The following PPP2CB variants were observed in gnomAD, a reference collection of about 807,000 sequenced individuals.
PPP2CB encodes serine/threonine-protein phosphatase 2A catalytic subunit beta isoform.
PPP2CB carries 18 observed loss-of-function variants against 39.1 expected under a neutral mutation model. The observed-to-expected ratio is 0.46, with a 90% CI of 0.32 to 0.68. The LOEUF (loss-of-function observed/expected upper bound fraction) is 0.68. PPP2CB is among the 30% of genes least tolerant of loss of function. The pLI is 0.04. For synonymous variants in PPP2CB, 129 were observed against 133.8 expected, an observed-to-expected ratio of 0.96 and a Z score of 0.25; for missense variants, 226 against 396.9, an observed-to-expected ratio of 0.57 and a Z score of 3.66.
At chr8:30,797,197 G>T (rs1389352833) in intron 3 of PPP2CB, among the ~76,000 whole-genome samples, 1 of 152,170 alleles carries the variant, frequency 6.6e-6, no homozygotes, top group Non-Finnish European at 1.5e-5. Context: ...CATGAAAATA[G>T]AAATGAAAAG....
At chr8:30,787,679 A>G (rs889323562) in intron 6 of PPP2CB, among the ~76,000 whole-genome samples, 4 of 152,214 alleles carry the variant, frequency 2.6e-5, no homozygotes, top group African/African-American at 7.2e-5. Flanking sequence ...AATGAAGCCA[A>G]TTGGGCTTGG....
In PPP2CB at chr8:30,812,210, G is replaced by A. The variant is rs1806846297; in HGVS notation, c.102+110C>T. The A allele has an allele frequency of 8.4e-6, 6 of 713,410 alleles. No homozygotes were observed. The South Asian group carries it at 2.6e-4, about 31-fold the overall frequency. 44.2% of individuals were successfully genotyped at this position (713,410 alleles called of 1,614,324 possible). On this transcript the variant is annotated intron_variant, in intron 1 of 6. Coordinates refer to ENST00000221138, the MANE Select transcript of PPP2CB (RefSeq NM_001009552.2). ...CCGGAGCCGGACCCACAGCCCCGCAGGCCCCCGGTGGGCCGCGCCGGGCCA... is the reference window on the plus strand; with the variant it reads ...CCGGAGCCGGACCCACAGCCCCGCAAGCCCCCGGTGGGCCGCGCCGGGCCA...
chr8:30,788,248 T>C lies in PPP2CB; in HGVS notation c.858-1941A>G, dbSNP rs186490238. ...ATAAAGATAGGTTACTGATTTCAAA[T>C]CTTCTTGTTTTTTTTTTTGTTTTTT... On this transcript the variant is annotated intron_variant, in intron 6 of 6. Coordinates refer to ENST00000221138, the MANE Select transcript of PPP2CB (RefSeq NM_001009552.2). Among the ~76,000 whole-genome samples the C allele has an allele frequency of 2.6e-5, 4 of 151,924 alleles. No homozygotes were observed. In the East Asian group the frequency reaches 5.8e-4, roughly 22 times the overall value.
intron 5 of PPP2CB, among the ~76,000 whole-genome samples, chr8:30,792,073 C>T (rs569241757): frequency 8.6e-5 from 12 of 140,014 alleles, no homozygotes; most frequent in East Asian, 6.2e-4. Flanking sequence ...TGTGTATATA[C>T]ACACACACAC....
intron 1 of PPP2CB, among the ~76,000 whole-genome samples, chr8:30,809,739 G>C (rs1052604692): frequency 6.6e-6 from 1 of 152,030 alleles, no homozygotes; most frequent in Non-Finnish European, 1.5e-5. Context: ...CCGAGAGTTC[G>C]AGACCAGCCT....
At chr8:30,811,753 C>T (rs1453951269) in intron 1 of PPP2CB, among the ~76,000 whole-genome samples, 5 of 152,166 alleles carry the variant, frequency 3.3e-5, no homozygotes, top group Admixed American at 1.3e-4. Context: ...CCTCCCGCTT[C>T]AGCCTCCCGA....
chr8:30,804,231 T>G (rs1806680278), intron 1 of PPP2CB, among the ~76,000 whole-genome samples: 2 of 152,240 alleles, frequency 1.3e-5, no homozygotes, highest in Non-Finnish European at 1.5e-5. Flanking sequence ...TTTCTTCATG[T>G]ATTTTGGTAT....
chr8:30,807,989 C>T (rs2128762798), intron 1 of PPP2CB, among the ~76,000 whole-genome samples: 1 of 152,300 alleles, frequency 6.6e-6, no homozygotes. Flanking sequence ...CATTCATACT[C>T]TTTATTTTTT....
chr8:30,796,480 T>G (rs976453226), intron 3 of PPP2CB, among the ~76,000 whole-genome samples: 3 of 152,146 alleles, frequency 2.0e-5, no homozygotes, highest in Non-Finnish European at 4.4e-5. Flanking sequence ...TCTCTCAGGT[T>G]CAAGTGATTC....
chr8:30,812,498 C>G lies in PPP2CB; in HGVS notation c.-77G>C, dbSNP rs1806857986. On this transcript the variant is annotated 5_prime_UTR_variant, in exon 1 of 7. Transcript: ENST00000221138. ...CCCCCTCCCCACCCGCCCCCGGCCC[C>G]GGCCCGGGCGCCGCTCCCCTCTCCC... 1.8e-6 allele frequency: 2 copies of G among 1,095,462 alleles called. No homozygotes were observed. 67.9% of individuals were successfully genotyped at this position (1,095,462 alleles called of 1,614,324 possible). A position where few individuals can be genotyped will look rare whatever the true frequency, so the allele number is the denominator to read the frequency against.
At chr8:30,795,378 G>A (rs1461468293) in intron 3 of PPP2CB, among the ~76,000 whole-genome samples, 1 of 152,166 alleles carries the variant, frequency 6.6e-6, no homozygotes, top group Non-Finnish European at 1.5e-5. Flanking sequence ...GCCTCCCAAA[G>A]TGCTGGGATT....
chr8:30,785,788 A>G lies in PPP2CB; in HGVS notation c.*447T>C, dbSNP rs778420426. ...TACTCCCAAGAAGAACCTTTTCTTCAGTTAAGTTAATTATACATTTCAATA... is the reference window on the plus strand; with the variant it reads ...TACTCCCAAGAAGAACCTTTTCTTCGGTTAAGTTAATTATACATTTCAATA... On this transcript the variant is annotated 3_prime_UTR_variant, in exon 7 of 7. Transcript: ENST00000221138. 82 of 296,760 alleles carry G rather than the reference A, an allele frequency of 2.8e-4. No homozygotes were observed. Among genetic ancestry groups the G allele is most frequent in the Non-Finnish European group, 5.1e-4 (77 of 150,908 alleles). 18.4% of individuals were successfully genotyped at this position (296,760 alleles called of 1,614,324 possible).
At position 30,812,799 on chromosome 8, in the gene PPP2CB, C is replaced by CT. The variant is rs1330579021; in HGVS notation, c.-379dup. 4.3e-6 allele frequency: 2 copies of CT among 462,428 alleles called. No homozygotes were observed. The highest frequency in any genetic ancestry group is 2.0e-5 in the African/African-American group (1 of 50,448). 28.6% of individuals were successfully genotyped at this position (462,428 alleles called of 1,614,324 possible). On this transcript the variant is annotated 5_prime_UTR_variant, in exon 1 of 7. Coordinates refer to ENST00000221138, the MANE Select transcript of PPP2CB (RefSeq NM_001009552.2). ...CCTCACGCCTACCGGCCTCTCCCGA[C>CT]TTGTCTTTCCCCTTCTCTCGCTCTT...
Position 30,811,088 on chromosome 8 carries a change from C to T in PPP2CB, c.102+1232G>A, listed in dbSNP as rs1475210646. 2.6e-5 allele frequency among the ~76,000 whole-genome samples: 4 copies of T among 152,260 alleles called. No individual in the cohort carries two copies. In the East Asian group the frequency reaches 7.7e-4, roughly 29 times the overall value. On this transcript the variant is annotated intron_variant, in intron 1 of 6. Coordinates refer to ENST00000221138, the MANE Select transcript of PPP2CB (RefSeq NM_001009552.2). ...CCTTGTAAAGGATGAATGTGGACAA[C>T]TCTAGACTTCAAAGATGGAGAGATC...
At position 30,786,066 on chromosome 8, in the gene PPP2CB, T is replaced by C. The variant is rs1806335190; in HGVS notation, c.*169A>G. On this transcript the variant is annotated 3_prime_UTR_variant, in exon 7 of 7. Coordinates refer to ENST00000221138, the MANE Select transcript of PPP2CB (RefSeq NM_001009552.2). ...AATTTCAGTCTCAAATTGTGCTAAATGCTCATCATTAGTATGGCACATTTG... is the reference window on the plus strand; with the variant it reads ...AATTTCAGTCTCAAATTGTGCTAAACGCTCATCATTAGTATGGCACATTTG... 1.4e-6 allele frequency: 1 copy of C among 703,054 alleles called. No individual in the cohort carries two copies. The highest frequency in any genetic ancestry group is 1.5e-5 in the South Asian group (1 of 65,226). 43.6% of individuals were successfully genotyped at this position (703,054 alleles called of 1,614,324 possible). A position where few individuals can be genotyped will look rare whatever the true frequency, so the allele number is the denominator to read the frequency against.
intron 3 of PPP2CB, 105 bp downstream of exon 3, chr8:30,797,473 CGAG>C: frequency 8.9e-7 from 1 of 1,122,740 alleles, no homozygotes; most frequent in Non-Finnish European, 1.2e-6. Context: ...AGGAAAAGGC[CGAG>C]GAGATGCAGA....
intron 2 of PPP2CB, among the ~76,000 whole-genome samples, chr8:30,799,060 G>A (rs979448092): frequency 1.3e-5 from 2 of 152,182 alleles, no homozygotes; most frequent in African/African-American, 2.4e-5. Context: ...TGATTCTATA[G>A]GCAACAGGCA....
chr8:30,812,077 C>G (rs1806841079), intron 1 of PPP2CB, among the ~76,000 whole-genome samples: 1 of 152,210 alleles, frequency 6.6e-6, no homozygotes, highest in African/African-American at 2.4e-5. Flanking sequence ...CCCCCACGCC[C>G]GGGATCTGGG....
intron 1 of PPP2CB, among the ~76,000 whole-genome samples, chr8:30,800,210 C>T (rs1586125345): frequency 6.6e-6 from 1 of 152,286 alleles, no homozygotes; most frequent in Non-Finnish European, 1.5e-5. Context: ...GGAATAGTCA[C>T]TCAGCTATGA....
Sources: gnomAD v4.1 joint callset for allele counts (sites outside exome capture counted in the v4.1 genomes callset) on GRCh38, gnomAD v4.1.1 for gene constraint, MANE v1.5 for transcripts, NCBI Gene and HGNC (gene_info 2026-07-23, HGNC 2026-07-21) for gene names.